The following DYNC2LI1 variants were observed in gnomAD, a reference collection of about 807,000 sequenced individuals.
DYNC2LI1 encodes the protein dynein cytoplasmic 2 light intermediate chain 1.
DYNC2LI1 carries 45 observed loss-of-function variants against 51.9 expected under a neutral mutation model. That is an observed-to-expected ratio of 0.87 (90% CI 0.68 to 1.11). DYNC2LI1 has a LOEUF of 1.11. Ranked by LOEUF, DYNC2LI1 falls within the 50% of genes most tolerant of loss-of-function variation. The probability of loss-of-function intolerance (pLI) is 0.00; values close to 1 mark genes in which losing one functional copy is unlikely to be tolerated. For missense variants in DYNC2LI1, 490 were observed against 417.4 expected (o/e 1.17, Z -1.51); for synonymous variants, 130 against 137.8 (o/e 0.94, Z 0.40).
At chr2:43,789,611 A>G (rs751042370) in intron 4 of DYNC2LI1, 22 bp from the exon 5 acceptor site, 13 of 1,609,924 alleles carry the variant, frequency 8.1e-6, no homozygotes, top group African/African-American at 2.7e-5. Context: ...ACTTCAAAAA[A>G]TCAAAAATTT....
the DYNC2LI1 span, chr2:43,824,651 A>T: frequency 2.0e-6 from 2 of 985,168 alleles, no homozygotes. Flanking sequence ...AGCTCAGCTA[A>T]TTATGCTCTG....
Position 43,776,808 on chromosome 2 carries a change from C to A in DYNC2LI1, c.35C>A (p.Ala12Asp). 6.3e-7 allele frequency: 1 copy of A among 1,588,246 alleles called. No individual in the cohort carries two copies. The highest frequency in any genetic ancestry group is 8.6e-7 in the Non-Finnish European group (1 of 1,167,234). ...GAAACTCTCTGGGAAATTGCAAAAG[C>A]TGAAGTGGAAAAAAGGGGAATTAAT... is the stretch of plus-strand genomic sequence containing the variant. Reference protein sequence around the residue: ...PSETLWEIAKAEVEKRGINGS... With the variant: ...PSETLWEIAKDEVEKRGINGS... The change falls in exon 2 of 13, where the codon GCT becomes GAT. Residue 12 changes from alanine to aspartate, a missense_variant. Ala to Asp is a moderately radical substitution (Grantham distance 126). Transcript: ENST00000260605.
rs1252951103 is a variant in DYNC2LI1 at position 43,776,820 on chromosome 2, A to C, written c.47A>C (p.Lys16Thr). 1 of 1,601,872 alleles carries C rather than the reference A, an allele frequency of 6.2e-7. No homozygotes were observed. The highest frequency in any genetic ancestry group is 2.3e-5 in the East Asian group (1 of 44,116). The change falls in exon 2 of 13, where the codon AAA (lysine) becomes ACA (threonine). Residue 16 changes from lysine to threonine, a missense_variant. Coordinates refer to ENST00000260605, the MANE Select transcript of DYNC2LI1 (RefSeq NM_016008.4). The part of the protein sequence containing the change: ...LWEIAKAEVE[K>T]RGINGSEGDG... ...GAAATTGCAAAAGCTGAAGTGGAAA[A>C]AAGGGGAATTAATGGAAGTGAAGGT...
At chr2:43,776,469 ATATGTGTCTGAGAAGCTGACATACACAGC>A (rs1450109802) in intron 1 of DYNC2LI1, among the ~76,000 whole-genome samples, 1 of 152,192 alleles carries the variant, frequency 6.6e-6, no homozygotes, top group Non-Finnish European at 1.5e-5. Flanking sequence ...TTGTACCTCC[ATATGTGTCTGAGAAGCTGACATACACAGC>A]TATGAACCGT....
Position 43,804,743 on chromosome 2 carries a change from C to T in DYNC2LI1, c.900+4C>T. ...TGAAAAGCTCTTTCCACCAAAGGTA[C>T]ATATTTCTAATTTTTTTAAAAGCAA... is the stretch of plus-strand genomic sequence containing the variant. On this transcript the variant is annotated splice_donor_region_variant and intron_variant, in intron 11 of 12. Coordinates refer to ENST00000260605, the MANE Select transcript of DYNC2LI1 (RefSeq NM_016008.4). 3 of 1,581,570 alleles carry T rather than the reference C, an allele frequency of 1.9e-6. No individual in the cohort carries two copies. The highest frequency in any genetic ancestry group is 1.7e-4 in the Middle Eastern group (1 of 5,884).
At chr2:43,824,409 G>A in the DYNC2LI1 span, 1 of 1,613,978 alleles carries the variant, frequency 6.2e-7, no homozygotes. Context: ...TCCTTGCTTT[G>A]GGTATCCACT....
At position 43,792,739 on chromosome 2, in the gene DYNC2LI1, A is replaced by T; in HGVS notation, c.321-1718A>T. 3 of 1,547,626 alleles carry T rather than the reference A, an allele frequency of 1.9e-6. No individual in the cohort carries two copies. In the South Asian group the frequency reaches 3.6e-5, roughly 19 times the overall value. ...ATTTGACCACTCCAGTACCTCATAT[A>T]AATGAAATCATTCATTATTTGTCCT... On this transcript the variant is annotated intron_variant, in intron 5 of 12. Transcript: ENST00000260605.
At chr2:43,824,615 A>G in the DYNC2LI1 span, 1 of 985,332 alleles carries the variant, frequency 1.0e-6, no homozygotes, top group Admixed American at 6.1e-5. Flanking sequence ...TGAGGATCCC[A>G]TTGGGATTGT....
At chr2:43,791,392 G>C (rs1673776800) in intron 5 of DYNC2LI1, among the ~76,000 whole-genome samples, 1 of 152,122 alleles carries the variant, frequency 6.6e-6, no homozygotes, top group Non-Finnish European at 1.5e-5. Flanking sequence ...AAAGGTTTTG[G>C]CCTGCTGGGG....
chr2:43,780,409 C>T (rs545925855), intron 2 of DYNC2LI1, among the ~76,000 whole-genome samples: 18 of 152,074 alleles, frequency 1.2e-4, no homozygotes, highest in Non-Finnish European at 4.4e-5. Context: ...AGATTGTGAG[C>T]CAGAAGAGAT....
the DYNC2LI1 span, chr2:43,824,097 C>T: frequency 1.9e-6 from 3 of 1,614,212 alleles, no homozygotes; most frequent in South Asian, 3.3e-5. Context: ...GCTTATTTCT[C>T]ACCAAGTTTC....
intron 4 of DYNC2LI1, among the ~76,000 whole-genome samples, chr2:43,789,051 G>A (rs1479368656): frequency 3.1e-4 from 47 of 152,162 alleles, no homozygotes; most frequent in Admixed American, 3.1e-3. Flanking sequence ...CACCTACCGT[G>A]TATTATTGTC....
At chr2:43,824,202 A>C in the DYNC2LI1 span, 2 of 1,614,156 alleles carry the variant, frequency 1.2e-6, no homozygotes, top group Non-Finnish European at 1.7e-6. Context: ...CATTTCTCAC[A>C]TTTGTGAGCC....
downstream of DYNC2LI1, among the ~76,000 whole-genome samples, chr2:43,811,868 A>G: frequency 6.6e-6 from 1 of 152,198 alleles, no homozygotes; most frequent in East Asian, 1.9e-4. Context: ...TGCTGGGATT[A>G]CAGGCATGAG....
chr2:43,776,833 T>C lies in DYNC2LI1; in HGVS notation c.60T>C (p.Asn20=). Residue 20 remains asparagine (N), a synonymous_variant, in exon 2 of 13, where the codon AAT becomes AAC. Transcript: ENST00000260605. ...AKAEVEKRGI[N]GSEGDGAEIA... ...CTGAAGTGGAAAAAAGGGGAATTAA[T>C]GGAAGTGAAGGTGATGGAGCTGAAA... is the stretch of plus-strand genomic sequence containing the variant. 6.2e-7 allele frequency: 1 copy of C among 1,604,186 alleles called. No homozygotes were observed. The highest frequency in any genetic ancestry group is 1.1e-5 in the South Asian group (1 of 89,398).
downstream of DYNC2LI1, chr2:43,813,194 A>G (rs768890956): frequency 4.4e-6 from 7 of 1,598,542 alleles, no homozygotes; most frequent in Non-Finnish European, 5.1e-6. Context: ...ATGAATACAA[A>G]ATCAGAAAGT....
At chr2:43,809,559 T>G (rs1426233627) in intron 12 of DYNC2LI1, 146 bp from the exon 13 acceptor site, 5 of 666,786 alleles carry the variant, frequency 7.5e-6, no homozygotes, top group Non-Finnish European at 1.1e-5. Flanking sequence ...CATAATCATT[T>G]ACAAAATAAT....
At chr2:43,789,957 C>T (rs1673699433) in intron 5 of DYNC2LI1, among the ~76,000 whole-genome samples, 2 of 152,280 alleles carry the variant, frequency 1.3e-5, no homozygotes, top group East Asian at 3.9e-4. Flanking sequence ...ACATATTTTG[C>T]AAGCTGAAAA....
chr2:43,788,324 A>G (rs1351768020), intron 4 of DYNC2LI1, among the ~76,000 whole-genome samples: 1 of 152,226 alleles, frequency 6.6e-6, no homozygotes, highest in Non-Finnish European at 1.5e-5. Context: ...ATATATATTC[A>G]CCTAAAACTT....
Sources: gnomAD v4.1 joint callset for allele counts (sites outside exome capture counted in the v4.1 genomes callset) on GRCh38, gnomAD v4.1.1 for gene constraint, MANE v1.5 for transcripts, NCBI Gene and HGNC (gene_info 2026-07-23, HGNC 2026-07-21) for gene names.